TEAD1: variants seen among roughly 807,000 people sequenced by gnomAD.
TEAD1 encodes the protein transcriptional enhancer factor TEF-1.
A neutral mutation model predicts 54.9 loss-of-function variants in TEAD1; 9 were observed. The observed-to-expected ratio is 0.16, with a 90% CI of 0.10 to 0.29. The LOEUF (loss-of-function observed/expected upper bound fraction) is 0.29. Among genes scored for constraint, TEAD1 ranks in the 10% least tolerant of loss-of-function variants. TEAD1 has a pLI of 1.00. For missense variants in TEAD1, 387 were observed against 535.9 expected (o/e 0.72, Z 2.74); for synonymous variants, 200 against 187.8 (o/e 1.07, Z -0.53).
chr11:12,755,701 G>A (rs1393533201), intron 2 of TEAD1, among the ~76,000 whole-genome samples: 1 of 152,196 alleles, frequency 6.6e-6, no homozygotes, highest in Non-Finnish European at 1.5e-5. Flanking sequence ...TCCCAGGGTG[G>A]GAGTGACTTG....
At chr11:12,887,656 C>A (rs1219276956) in intron 9 of TEAD1, among the ~76,000 whole-genome samples, 2 of 152,144 alleles carry the variant, frequency 1.3e-5, no homozygotes, top group African/African-American at 2.4e-5. Flanking sequence ...AAATTTGTAT[C>A]ATGTAGATAG....
chr11:12,908,873 C>T (rs1443860306), intron 10 of TEAD1, among the ~76,000 whole-genome samples: 1 of 98,692 alleles, frequency 1.0e-5, no homozygotes, highest in Non-Finnish European at 2.2e-5. Context: ...CAGTATACTT[C>T]AAATTATCTG....
At chr11:12,687,803 A>G (rs1943364441) in intron 2 of TEAD1, among the ~76,000 whole-genome samples, 1 of 152,150 alleles carries the variant, frequency 6.6e-6, no homozygotes, top group African/African-American at 2.4e-5. Context: ...CTGTGGTTTC[A>G]GTCCTCCAGG....
chr11:12,714,973 C>A (rs569576786), intron 2 of TEAD1, among the ~76,000 whole-genome samples: 3 of 152,114 alleles, frequency 2.0e-5, no homozygotes, highest in Admixed American at 1.3e-4. Context: ...GTTCAACATA[C>A]GATTTTTTTG....
intron 5 of TEAD1, among the ~76,000 whole-genome samples, chr11:12,878,233 T>A (rs1947895349): frequency 6.6e-6 from 1 of 152,162 alleles, no homozygotes; most frequent in Non-Finnish European, 1.5e-5. Flanking sequence ...ACCTAGCACA[T>A]CTTTCTTAGA....
Position 12,912,090 on chromosome 11 carries a change from C to T in TEAD1, c.873+9977C>T, listed in dbSNP as rs549466197. ...CCTGAGAGTTTGTTGAGGAATCATC[C>T]GCAAGCAATTCGTAGGAGGAAAAGG... On this transcript the variant is annotated intron_variant, in intron 10 of 12. Transcript: ENST00000527636. Among the ~76,000 whole-genome samples, 9 of 152,126 alleles carry T rather than the reference C, an allele frequency of 5.9e-5. No individual in the cohort carries two copies. The East Asian group carries it at 1.7e-3, about 29-fold the overall frequency.
chr11:12,854,954 A>G (rs551677439), intron 3 of TEAD1, among the ~76,000 whole-genome samples: 3 of 152,242 alleles, frequency 2.0e-5, no homozygotes, highest in South Asian at 4.1e-4. Context: ...CCATCCACAC[A>G]CAGTCCATGT....
intron 3 of TEAD1, among the ~76,000 whole-genome samples, chr11:12,780,815 G>T (rs1240780898): frequency 6.6e-6 from 1 of 152,126 alleles, no homozygotes; most frequent in Non-Finnish European, 1.5e-5. Flanking sequence ...ATCCTTATCA[G>T]AATCCCAGGA....
In TEAD1 at chr11:12,937,221, G is replaced by A; in HGVS notation, c.1280G>A (p.Ter427=). ...CATATTTACAGGCTTGTAAAGGACTGAACATGGTTATTTATATATATAGAT... is the reference window on the plus strand; with the variant it reads ...CATATTTACAGGCTTGTAAAGGACTAAACATGGTTATTTATATATATAGAT... The change falls in exon 13 of 13, where the codon TGA becomes TAA. Residue 427 remains the stop codon, a stop_retained_variant. Transcript: ENST00000527636. 2 of 1,602,368 alleles carry A rather than the reference G, an allele frequency of 1.2e-6. No homozygotes were observed. The highest frequency in any genetic ancestry group is 1.7e-6 in the Non-Finnish European group (2 of 1,169,632).
intron 2 of TEAD1, among the ~76,000 whole-genome samples, chr11:12,734,917 G>A (rs1944497559): frequency 6.6e-6 from 1 of 152,168 alleles, no homozygotes; most frequent in African/African-American, 2.4e-5. Flanking sequence ...TGCATATACT[G>A]AAACACACAA....
At chr11:12,788,699 C>T (rs1945734637) in intron 3 of TEAD1, among the ~76,000 whole-genome samples, 1 of 152,192 alleles carries the variant, frequency 6.6e-6, no homozygotes, top group African/African-American at 2.4e-5. Context: ...CTGTCTTGTA[C>T]AACATCACGC....
At chr11:12,813,859 C>G (rs1946357736) in intron 3 of TEAD1, among the ~76,000 whole-genome samples, 1 of 152,122 alleles carries the variant, frequency 6.6e-6, no homozygotes, top group South Asian at 2.1e-4. Flanking sequence ...GTGTCCTCTC[C>G]TCCTACACCT....
At chr11:12,775,390 T>C (rs1016009546) in intron 3 of TEAD1, among the ~76,000 whole-genome samples, 1 of 152,198 alleles carries the variant, frequency 6.6e-6, no homozygotes, top group African/African-American at 2.4e-5. Context: ...AGCACAGGCC[T>C]GGATTCAACG....
chr11:12,706,227 A>G (rs1236332373), intron 2 of TEAD1, among the ~76,000 whole-genome samples: 6 of 152,234 alleles, frequency 3.9e-5, no homozygotes, highest in African/African-American at 1.4e-4. Flanking sequence ...GTGTTTTTGA[A>G]CTGGTTGAAG....
intron 10 of TEAD1, among the ~76,000 whole-genome samples, chr11:12,912,393 C>T (rs573386320): frequency 1.3e-5 from 2 of 152,170 alleles, no homozygotes; most frequent in African/African-American, 4.8e-5. Flanking sequence ...TTCGGAAGGG[C>T]TCACAAAGAC....
intron 2 of TEAD1, among the ~76,000 whole-genome samples, chr11:12,732,900 A>G (rs1003888520): frequency 6.6e-6 from 1 of 152,162 alleles, no homozygotes; most frequent in Non-Finnish European, 1.5e-5. Flanking sequence ...TTCTTTTTAC[A>G]TTATTGAGCT....
intron 2 of TEAD1, among the ~76,000 whole-genome samples, chr11:12,745,106 G>A (rs1375430869): frequency 6.6e-6 from 1 of 152,236 alleles, no homozygotes; most frequent in Non-Finnish European, 1.5e-5. Context: ...GCTGGGGAAA[G>A]ATGAGTCGAG....
At chr11:12,689,107 T>C (rs1001074996) in intron 2 of TEAD1, among the ~76,000 whole-genome samples, 2 of 152,124 alleles carry the variant, frequency 1.3e-5, no homozygotes, top group African/African-American at 4.8e-5. Context: ...TTCTGTTGTC[T>C]CTCCCTCCTC....
chr11:12,758,827 C>T (rs1175839791), intron 2 of TEAD1, among the ~76,000 whole-genome samples: 1 of 152,142 alleles, frequency 6.6e-6, no homozygotes, highest in Non-Finnish European at 1.5e-5. Context: ...AGAGGCCTCA[C>T]CTCATCAAGT....
Sources: gnomAD v4.1 joint callset for allele counts (sites outside exome capture counted in the v4.1 genomes callset) on GRCh38, gnomAD v4.1.1 for gene constraint, MANE v1.5 for transcripts, NCBI Gene and HGNC (gene_info 2026-07-23, HGNC 2026-07-21) for gene names.